KCNMA1: variants seen among roughly 807,000 people sequenced by gnomAD.
KCNMA1 encodes the protein potassium calcium-activated channel subfamily M alpha 1.
KCNMA1 carries 29 observed loss-of-function variants against 140.0 expected under a neutral mutation model. That is an observed-to-expected ratio of 0.21 (90% CI 0.15 to 0.28). KCNMA1 has a LOEUF of 0.28. Among genes scored for constraint, KCNMA1 ranks in the 10% least tolerant of loss-of-function variants. The probability of loss-of-function intolerance (pLI) is 1.00; values close to 1 mark genes in which losing one functional copy is unlikely to be tolerated. For missense variants in KCNMA1, 880 were observed against 1,602.2 expected, an observed-to-expected ratio of 0.55 and a Z score of 7.70; for synonymous variants, 612 against 611.9, an observed-to-expected ratio of 1.00 and a Z score of 0.00.
chr10:77,455,161 G>A (rs529055635), intron 1 of KCNMA1, among the ~76,000 whole-genome samples: 4 of 152,240 alleles, frequency 2.6e-5, no homozygotes, highest in African/African-American at 9.6e-5. Flanking sequence ...TACCTACCAT[G>A]TGCTTGGCAA....
intron 1 of KCNMA1, among the ~76,000 whole-genome samples, chr10:77,558,610 G>A (rs1451770790): frequency 6.6e-6 from 1 of 152,132 alleles, no homozygotes; most frequent in Admixed American, 6.5e-5. Flanking sequence ...CCCTGTGGTG[G>A]GTGTCAAGGG....
chr10:77,410,180 A>C (rs1262751698), intron 1 of KCNMA1, among the ~76,000 whole-genome samples: 2 of 152,086 alleles, frequency 1.3e-5, no homozygotes, highest in Admixed American at 6.6e-5. Flanking sequence ...CTGCACCCTA[A>C]CAGGATGTCA....
intron 21 of KCNMA1, 51 bp from the exon 22 acceptor site, chr10:76,949,417 G>A (rs1412014922): frequency 1.5e-6 from 2 of 1,363,342 alleles, no homozygotes; most frequent in South Asian, 1.2e-5. Context: ...GCATAGGGCT[G>A]TTGTAAGGAG....
chr10:77,207,694 C>T (rs1013320031), intron 3 of KCNMA1, among the ~76,000 whole-genome samples: 1 of 152,160 alleles, frequency 6.6e-6, no homozygotes, highest in Non-Finnish European at 1.5e-5. Context: ...TTGTCTTCCT[C>T]GCTAATGTCT....
rs549955697 is a variant in KCNMA1, at chr10:77,371,708, G to A, written c.540+32154C>T. Reference sequence around the variant, plus strand: ...CCTCTGAGTTTTCCACCCCTGTTATGATATGCACTTCCAGTTCTCCAGCTG... The same window carrying A: ...CCTCTGAGTTTTCCACCCCTGTTATAATATGCACTTCCAGTTCTCCAGCTG... On this transcript the variant is annotated intron_variant, in intron 2 of 27. Coordinates refer to ENST00000286628, the MANE Select transcript of KCNMA1 (RefSeq NM_001161352.2). Among the ~76,000 whole-genome samples, 184 of 152,214 alleles carry A rather than the reference G, an allele frequency of 1.2e-3. 1 individual carries two copies. Among genetic ancestry groups the A allele is most frequent in the African/African-American group, 4.2e-3 (176 of 41,518 alleles).
chr10:77,286,747 G>C (rs1565732733), intron 2 of KCNMA1, among the ~76,000 whole-genome samples: 1 of 97,700 alleles, frequency 1.0e-5, no homozygotes, highest in African/African-American at 4.2e-5. Flanking sequence ...TTTGACTAGG[G>C]ACGGTGTGTG....
intron 2 of KCNMA1, among the ~76,000 whole-genome samples, chr10:77,294,267 A>G (rs1046190051): frequency 6.6e-6 from 1 of 152,192 alleles, no homozygotes; most frequent in Non-Finnish European, 1.5e-5. Context: ...CAATGGGTGT[A>G]CTTATCATCC....
intron 5 of KCNMA1, among the ~76,000 whole-genome samples, chr10:77,181,202 C>G (rs1565038137): frequency 6.6e-6 from 1 of 152,106 alleles, no homozygotes. Flanking sequence ...CATTTAAACC[C>G]CCATTCTTCA....
chr10:76,877,799 G>C, exon 30 of KCNMA1: 1 of 1,585,584 alleles, frequency 6.3e-7, no homozygotes, highest in Non-Finnish European at 8.6e-7. Flanking sequence ...ATTTATATTG[G>C]TTGATCTGGT....
chr10:76,952,165 A>G, intron 21 of KCNMA1: 2 of 1,551,384 alleles, frequency 1.3e-6, no homozygotes, highest in Non-Finnish European at 1.7e-6. Flanking sequence ...GTGACCTGCC[A>G]CAAGTGGTAA....
chr10:77,537,536 C>A (rs1020959950), intron 1 of KCNMA1, among the ~76,000 whole-genome samples: 2 of 152,208 alleles, frequency 1.3e-5, no homozygotes, highest in African/African-American at 4.8e-5. Context: ...AAATTCCCCC[C>A]ATGACTGCAG....
intron 14 of KCNMA1, among the ~76,000 whole-genome samples, chr10:77,047,651 T>C (rs1031857563): frequency 1.3e-5 from 2 of 150,424 alleles, no homozygotes; most frequent in Non-Finnish European, 3.0e-5. Context: ...TTCTCTCCAA[T>C]ATAGAAAAGG....
At chr10:77,200,570 A>T (rs1317911376) in intron 3 of KCNMA1, among the ~76,000 whole-genome samples, 1 of 151,868 alleles carries the variant, frequency 6.6e-6, no homozygotes, top group Admixed American at 6.6e-5. Context: ...TCTCTCTCCT[A>T]CCACGGCCCC....
intron 1 of KCNMA1, chr10:77,637,009 A>G: frequency 2.1e-6 from 3 of 1,412,210 alleles, no homozygotes; most frequent in Non-Finnish European, 2.7e-6. Context: ...CAACAACCCT[A>G]CAATAAACAA....
At chr10:77,265,545 T>C (rs942570127) in intron 2 of KCNMA1, among the ~76,000 whole-genome samples, 2 of 152,202 alleles carry the variant, frequency 1.3e-5, no homozygotes, top group South Asian at 4.1e-4. Context: ...CAAAATCTCT[T>C]TAATATATCT....
At chr10:77,131,681 G>A (rs2097860409) in intron 5 of KCNMA1, among the ~76,000 whole-genome samples, 1 of 150,020 alleles carries the variant, frequency 6.7e-6, no homozygotes, top group Admixed American at 6.6e-5. Context: ...TTATCCAGCT[G>A]TTGCCAGGCA....
chr10:77,595,027 G>A (rs79222266), intron 1 of KCNMA1, among the ~76,000 whole-genome samples: 3 of 152,166 alleles, frequency 2.0e-5, no homozygotes, highest in Non-Finnish European at 4.4e-5. Context: ...TCACAATGAG[G>A]TTGTAAATTC....
At chr10:76,966,036 C>G (rs1459011695) in intron 20 of KCNMA1, among the ~76,000 whole-genome samples, 1 of 152,118 alleles carries the variant, frequency 6.6e-6, no homozygotes, top group Non-Finnish European at 1.5e-5. Context: ...AAACTATAAG[C>G]ATTTTGAAGG....
At chr10:77,484,441 G>A (rs1603628450) in intron 1 of KCNMA1, among the ~76,000 whole-genome samples, 1 of 152,386 alleles carries the variant, frequency 6.6e-6, no homozygotes, top group Admixed American at 6.5e-5. Context: ...TAGATATGCA[G>A]TAACTCCTTG....
Sources: allele counts gnomAD v4.1 joint callset (sites outside exome capture counted in the v4.1 genomes callset), GRCh38; gene constraint gnomAD v4.1.1; transcripts MANE v1.5; gene names NCBI Gene and HGNC (gene_info 2026-07-23, HGNC 2026-07-21).